PCDHA4: variants seen among roughly 807,000 people sequenced by gnomAD.
The protein encoded by PCDHA4 is protocadherin alpha 4, also known as protocadherin alpha-4.
Under a neutral mutation model 61.4 loss-of-function variants are expected in PCDHA4, and 49 were observed. The observed-to-expected ratio is 0.80, with a 90% confidence interval of 0.63 to 1.01. The LOEUF is 1.01. PCDHA4 is among the 50% of genes least tolerant of loss of function. The pLI is 0.00. For missense variants in PCDHA4, 1,254 were observed against 1,235.8 expected, an observed-to-expected ratio of 1.01 and a Z score of -0.22; for synonymous variants, 590 against 550.3, an observed-to-expected ratio of 1.07 and a Z score of -1.01.
intron 1 of PCDHA4, chr5:140,841,180 T>C (rs1240672085): frequency 8.7e-7 from 1 of 1,146,740 alleles, no homozygotes; most frequent in Non-Finnish European, 1.2e-6. Flanking sequence ...TGGTCAATGT[T>C]CAAAGTCTTT....
chr5:140,851,612 A>G, intron 1 of PCDHA4: 1 of 921,118 alleles, frequency 1.1e-6, no homozygotes, highest in Non-Finnish European at 1.3e-6. Context: ...GAAATTGGAG[A>G]AAATGCTTTT....
At chr5:140,832,058 T>C (rs1771820684) in intron 1 of PCDHA4, among the ~76,000 whole-genome samples, 1 of 152,234 alleles carries the variant, frequency 6.6e-6, no homozygotes, top group South Asian at 2.1e-4. Context: ...TAATTACCAA[T>C]TTAATCTGAG....
chr5:140,884,504 GGGAGTT>G, intron 1 of PCDHA4: 1 of 1,614,180 alleles, frequency 6.2e-7, no homozygotes, highest in Non-Finnish European at 8.5e-7. Context: ...CAGCGCGGCA[GGGAGTT>G]GGTCGTACTC....
chr5:141,001,749 T>C (rs1554258292), intron 3 of PCDHA4, among the ~76,000 whole-genome samples: 1 of 152,090 alleles, frequency 6.6e-6, no homozygotes, highest in African/African-American at 2.4e-5. Flanking sequence ...GCTGTTTCAG[T>C]GGTTGATGGC....
rs1349826822 is a variant in PCDHA4, at chr5:140,911,368, C to A, written c.2386-67581C>A. Reference sequence around the variant, plus strand: ...CCTCATTTCAACAGTAGACACCTGGCAAGGCTGTGCATGCACCTTTCATTG... The same window carrying A: ...CCTCATTTCAACAGTAGACACCTGGAAAGGCTGTGCATGCACCTTTCATTG... On this transcript the variant is annotated intron_variant, in intron 1 of 3. Coordinates refer to ENST00000530339, the MANE Select transcript of PCDHA4 (RefSeq NM_018907.4). 3.3e-5 allele frequency among the ~76,000 whole-genome samples: 5 copies of A among 152,144 alleles called. No homozygotes were observed. The East Asian group carries it at 7.7e-4, about 23-fold the overall frequency.
At chr5:140,943,670 G>A (rs1161487572) in intron 1 of PCDHA4, among the ~76,000 whole-genome samples, 1 of 152,036 alleles carries the variant, frequency 6.6e-6, no homozygotes, top group Non-Finnish European at 1.5e-5. Flanking sequence ...TGTATAAAGT[G>A]TGAAAAAAAG....
chr5:140,841,694 G>C, intron 1 of PCDHA4: 1 of 1,613,934 alleles, frequency 6.2e-7, no homozygotes. Context: ...GGAGGTGAAG[G>C]ATGTTAATGA....
chr5:140,842,949 C>A lies in PCDHA4; in HGVS notation c.2385+33377C>A, dbSNP rs2150348537. ...GTGAGCGCGCGCGACGCGGGCGTGC[C>A]GCCTCTGGGCAGCAACGTGACGCTG... On this transcript the variant is annotated intron_variant, in intron 1 of 3. Coordinates refer to ENST00000530339, the MANE Select transcript of PCDHA4 (RefSeq NM_018907.4). 3.3e-3 allele frequency: 5,193 copies of A among 1,594,666 alleles called. 424 individuals are homozygous for A. The African/African-American group carries it at 0.061, about 19-fold the overall frequency.
chr5:140,850,250 G>T (rs2150475592), intron 1 of PCDHA4: 2 of 1,594,024 alleles, frequency 1.3e-6, no homozygotes, highest in South Asian at 2.2e-5. Flanking sequence ...TGCGGTCGGT[G>T]GGCGCCGGCG....
chr5:140,909,684 GT>G (rs2074636344), intron 1 of PCDHA4, among the ~76,000 whole-genome samples: 1 of 152,220 alleles, frequency 6.6e-6, no homozygotes, highest in Non-Finnish European at 1.5e-5. Context: ...GGGAGCCAAT[GT>G]GGGGGTTCTG....
Position 140,836,082 on chromosome 5 carries a change from G to A in PCDHA4, c.2385+26510G>A, listed in dbSNP as rs2150252202. On this transcript the variant is annotated intron_variant, in intron 1 of 3. Transcript: ENST00000530339. ...GAACGACAACGCGCCGGCACTGCTG[G>A]CGCCTCGGGTGGGTGGCACTGGTGG... 3.1e-6 allele frequency: 5 copies of A among 1,613,608 alleles called. No homozygotes were observed. The African/African-American group carries it at 5.3e-5, about 17-fold the overall frequency.
chr5:140,921,251 AG>A (rs2080121821), intron 1 of PCDHA4, among the ~76,000 whole-genome samples: 1 of 152,192 alleles, frequency 6.6e-6, no homozygotes. Context: ...CAGATCAAAA[AG>A]TCCTAGACTT....
chr5:140,969,491 C>T (rs2096337176), intron 1 of PCDHA4: 8 of 1,449,294 alleles, frequency 5.5e-6, no homozygotes, highest in Non-Finnish European at 7.3e-6. Context: ...CTGCTATTTC[C>T]TCTCTAGAAA....
chr5:140,915,458 G>T (rs1172885235), intron 1 of PCDHA4, among the ~76,000 whole-genome samples: 11 of 152,126 alleles, frequency 7.2e-5, no homozygotes, highest in African/African-American at 2.2e-4. Flanking sequence ...TTTCCAGAAG[G>T]TTTTTATTTG....
intron 1 of PCDHA4, chr5:140,842,137 A>C (rs2150330187): frequency 1.2e-6 from 2 of 1,613,874 alleles, no homozygotes; most frequent in South Asian, 2.2e-5. Flanking sequence ...CGGATGAAGG[A>C]GCCAATGGGG....
rs782328874 is a variant in PCDHA4, at chr5:141,009,755, C to G, written c.2662C>G (p.Pro888Ala). The G allele has an allele frequency of 6.2e-7, 1 of 1,614,002 alleles. No homozygotes were observed. Among genetic ancestry groups the G allele is most frequent in the African/African-American group, 1.3e-5 (1 of 74,894 alleles). ...TGAGTTGCCCGACAAATTCATTATC[C>G]CAGGATCTCCTGCAATCATCTCCAT... ...PGELPDKFII[P>A]GSPAIISIRQ... Residue 888 changes from proline (P) to alanine (A), a missense_variant, in exon 4 of 4, where the codon CCA becomes GCA. Physicochemically the swap from Pro to Ala is conservative, Grantham distance 27. Coordinates refer to ENST00000530339, the MANE Select transcript of PCDHA4 (RefSeq NM_018907.4).
chr5:141,000,027 A>G (rs782393146), intron 3 of PCDHA4, among the ~76,000 whole-genome samples: 4 of 152,048 alleles, frequency 2.6e-5, no homozygotes, highest in Non-Finnish European at 5.9e-5. Flanking sequence ...TAAGCCTGAC[A>G]TCCAATCACA....
At position 140,843,422 on chromosome 5, in the gene PCDHA4, A is replaced by T. The variant is rs2150359586; in HGVS notation, c.2385+33850A>T. The T allele has an allele frequency of 9.4e-6, 15 of 1,595,774 alleles. 3 individuals are homozygous for T. Among genetic ancestry groups the T allele is most frequent in the Admixed American group, 5.1e-5 (3 of 59,266 alleles). The stretch of plus-strand genomic sequence containing the variant: ...GCTGGTGGATGTCAACGTGTACCTG[A>T]TCATCGCCATCTGCGCGGTATCCAG... On this transcript the variant is annotated intron_variant, in intron 1 of 3. Transcript: ENST00000530339.
chr5:140,840,708 C>T (rs1776833354), intron 1 of PCDHA4, among the ~76,000 whole-genome samples: 1 of 151,964 alleles, frequency 6.6e-6, no homozygotes, highest in African/African-American at 2.4e-5. Flanking sequence ...GGCAATTTGA[C>T]ATTTATTGAA....
Sources: allele counts gnomAD v4.1 joint callset (sites outside exome capture counted in the v4.1 genomes callset), GRCh38; gene constraint gnomAD v4.1.1; transcripts MANE v1.5; gene names NCBI Gene and HGNC (gene_info 2026-07-23, HGNC 2026-07-21).